The following RPS6KA2 variants were observed in gnomAD, a reference collection of about 807,000 sequenced individuals.
RPS6KA2 encodes ribosomal protein S6 kinase alpha-2.
RPS6KA2 carries 42 observed loss-of-function variants against 91.8 expected under a neutral mutation model. The ratio of observed to expected loss-of-function variants is 0.46; its 90% CI spans 0.36 to 0.59. The LOEUF is 0.59. Among genes scored for constraint, RPS6KA2 ranks in the 20% least tolerant of loss-of-function variants. The probability of loss-of-function intolerance (pLI) is 0.00; values close to 1 mark genes in which losing one functional copy is unlikely to be tolerated. For missense variants in RPS6KA2, 798 were observed against 978.5 expected, an observed-to-expected ratio of 0.82 and a Z score of 2.46; for synonymous variants, 414 against 393.6, an observed-to-expected ratio of 1.05 and a Z score of -0.61.
chr6:166,749,601 C>T (rs1250917535), intron 2 of RPS6KA2, among the ~76,000 whole-genome samples: 1 of 2,378 alleles, frequency 4.2e-4, no homozygotes, highest in South Asian at 6.8e-3. Flanking sequence ...GCCCCCATCT[C>T]CTCGGGCCCC....
chr6:166,781,310 A>G (rs146718976), intron 2 of RPS6KA2, among the ~76,000 whole-genome samples: 164 of 152,386 alleles, frequency 1.1e-3, no homozygotes, highest in Non-Finnish European at 1.9e-3. Flanking sequence ...GGGATTGTTC[A>G]AGATGACTTC....
intron 2 of RPS6KA2, among the ~76,000 whole-genome samples, chr6:166,718,195 C>T (rs564118668): frequency 5.2e-4 from 79 of 152,252 alleles, no homozygotes; most frequent in African/African-American, 1.9e-3. Flanking sequence ...GCACATTTAC[C>T]CTCACTTCCC....
At chr6:166,707,324 C>G (rs1789710963) in intron 2 of RPS6KA2, among the ~76,000 whole-genome samples, 1 of 152,218 alleles carries the variant, frequency 6.6e-6, no homozygotes, top group African/African-American at 2.4e-5. Flanking sequence ...GGTTAGGGAG[C>G]TCCAACCATG....
intron 1 of RPS6KA2, among the ~76,000 whole-genome samples, chr6:166,615,862 G>T (rs1347642731): frequency 6.6e-6 from 1 of 152,132 alleles, no homozygotes; most frequent in Non-Finnish European, 1.5e-5. Context: ...CAGGACTCCC[G>T]CCCACTCTTT....
At chr6:166,723,466 A>C (rs953673542) in intron 2 of RPS6KA2, among the ~76,000 whole-genome samples, 1 of 151,718 alleles carries the variant, frequency 6.6e-6, no homozygotes, top group African/African-American at 2.4e-5. Context: ...ACATGTATGC[A>C]CCGCCTTCCT....
intron 1 of RPS6KA2, among the ~76,000 whole-genome samples, chr6:166,565,002 C>T (rs767263065): frequency 6.6e-5 from 10 of 152,266 alleles, no homozygotes; most frequent in Non-Finnish European, 1.0e-4. Context: ...GAGGTGTTCA[C>T]GTGGTTCCCC....
In RPS6KA2 at chr6:166,693,034, G is replaced by T. The variant is rs77845910; in HGVS notation, c.124-154250C>A. Among the ~76,000 whole-genome samples, 267 of 152,312 alleles carry T rather than the reference G, an allele frequency of 1.8e-3. 1 individual carries two copies. Among genetic ancestry groups the T allele is most frequent in the African/African-American group, 5.8e-3 (240 of 41,570 alleles). On this transcript the variant is annotated intron_variant, in intron 2 of 21. Transcript: ENST00000503859. ...GGCAAGAGGCAGTTGATTGCAGCAA[G>T]GATATGACAATGTCACTTTTAGTAA...
intron 1 of RPS6KA2, among the ~76,000 whole-genome samples, chr6:166,564,995 G>T (rs1211509065): frequency 6.6e-6 from 1 of 152,188 alleles, no homozygotes; most frequent in Non-Finnish European, 1.5e-5. Flanking sequence ...CCCTTATGAG[G>T]TGTTCACGTG....
chr6:166,653,835 T>G (rs1014363743), intron 2 of RPS6KA2, among the ~76,000 whole-genome samples: 9 of 152,254 alleles, frequency 5.9e-5, no homozygotes, highest in Non-Finnish European at 1.2e-4. Context: ...GAATAATTTG[T>G]TGCACAAAAT....
At chr6:166,789,377 G>A (rs1473909207) in intron 2 of RPS6KA2, among the ~76,000 whole-genome samples, 2 of 152,238 alleles carry the variant, frequency 1.3e-5, no homozygotes, top group African/African-American at 4.8e-5. Context: ...GAACTGGGTG[G>A]AGTCCACCAC....
rs937769174 is a variant in RPS6KA2 at position 166,454,051 on chromosome 6, C to T, written c.1076-2818G>A. On this transcript the variant is annotated intron_variant, in intron 12 of 20. Coordinates refer to ENST00000265678, the MANE Select transcript of RPS6KA2 (RefSeq NM_021135.6). ...AGTGTGGTGGGATAGAGAATGGAGA[C>T]GTGGAAGGGTGGGAGAAGGTGAGGG... Among the ~76,000 whole-genome samples the T allele has an allele frequency of 7.2e-5, 11 of 152,014 alleles. No homozygotes were observed. The South Asian group carries it at 1.0e-3, about 14-fold the overall frequency.
chr6:166,639,833 G>T lies in RPS6KA2; in HGVS notation c.124-101049C>A, dbSNP rs972329909. 8.6e-5 allele frequency among the ~76,000 whole-genome samples: 13 copies of T among 151,848 alleles called. No individual in the cohort carries two copies. The highest frequency in any genetic ancestry group is 1.8e-4 in the Non-Finnish European group (12 of 67,940). On this transcript the variant is annotated intron_variant, in intron 2 of 21. Coordinates refer to the RPS6KA2 transcript ENST00000503859. This position sits in a 1 kb window ranked among gnomAD's most constrained non-coding sequence, Gnocchi z 4.2. ...ACAGGCCCTGTTGGGGTCTCTCCTG[G>T]GTTCCTCTAGTTTGCTCACTGTGCT...
chr6:166,680,504 C>A (rs1290817926), intron 2 of RPS6KA2, among the ~76,000 whole-genome samples: 1 of 152,134 alleles, frequency 6.6e-6, no homozygotes, highest in African/African-American at 2.4e-5. Flanking sequence ...CTTGCTGGTG[C>A]CCACTTTTTG....
intron 2 of RPS6KA2, among the ~76,000 whole-genome samples, chr6:166,698,184 C>G (rs1789408748): frequency 6.6e-6 from 1 of 152,182 alleles, no homozygotes; most frequent in African/African-American, 2.4e-5. Flanking sequence ...AGGACTGCGA[C>G]ACAAAATAGA....
At chr6:166,517,642 A>AT (rs1403039167) in intron 3 of RPS6KA2, among the ~76,000 whole-genome samples, 1 of 150,504 alleles carries the variant, frequency 6.6e-6, no homozygotes, top group African/African-American at 2.4e-5. Flanking sequence ...CGCCCGGCTA[A>AT]TTTTTTGTAT....
chr6:166,732,841 C>A lies in RPS6KA2; in HGVS notation c.123+125359G>T, dbSNP rs1790568922. ...GGAGGCTGAGTCTGGTGGAAGGAGG[C>A]AGGGAACAGCCAAAGTGAAGGCTGC... On this transcript the variant is annotated intron_variant, in intron 2 of 21. Transcript: ENST00000503859. This position sits in a 1 kb window ranked among gnomAD's most constrained non-coding sequence, Gnocchi z 4.0. Among the ~76,000 whole-genome samples, 1 of 152,186 alleles carries A rather than the reference C, an allele frequency of 6.6e-6. No individual in the cohort carries two copies. The highest frequency in any genetic ancestry group is 1.5e-5 in the Non-Finnish European group (1 of 68,034).
rs550212155 is a variant in RPS6KA2 at position 166,433,488 on chromosome 6, C to T, written c.1333-998G>A. Among the ~76,000 whole-genome samples the T allele has an allele frequency of 2.6e-5, 4 of 152,188 alleles. No individual in the cohort carries two copies. Among genetic ancestry groups the T allele is most frequent in the South Asian group, 2.1e-4 (1 of 4,816 alleles). The stretch of plus-strand genomic sequence containing the variant: ...GCCCTTGCCGCCCCTGCTGTGGGGA[C>T]GGGACCAGTGGGAGGAGGGCACCAC... On this transcript the variant is annotated intron_variant, in intron 14 of 20. Transcript: ENST00000265678. This position sits in a 1 kb window ranked among gnomAD's most constrained non-coding sequence, Gnocchi z 4.4.
Position 166,670,739 on chromosome 6 carries a change from G to C in RPS6KA2, c.124-131955C>G, listed in dbSNP as rs7776364. On this transcript the variant is annotated intron_variant, in intron 2 of 21. Coordinates refer to the RPS6KA2 transcript ENST00000503859. ...CATATTTGAAACGCAACAATTGATAGTTCCTACAGATGATGGGAGTTTCTC... is the reference window on the plus strand; with the variant it reads ...CATATTTGAAACGCAACAATTGATACTTCCTACAGATGATGGGAGTTTCTC... 3.4e-3 allele frequency among the ~76,000 whole-genome samples: 513 copies of C among 152,302 alleles called. 3 individuals carry two copies. Among genetic ancestry groups the C allele is most frequent in the African/African-American group, 0.012 (490 of 41,546 alleles).
At chr6:166,803,878 G>A (rs953984597) in intron 2 of RPS6KA2, among the ~76,000 whole-genome samples, 1 of 152,172 alleles carries the variant, frequency 6.6e-6, no homozygotes, top group African/African-American at 2.4e-5. Flanking sequence ...AGCAAAACTG[G>A]CTGAAAATTG....
Sources: gnomAD v4.1 joint callset for allele counts (sites outside exome capture counted in the v4.1 genomes callset) on GRCh38, gnomAD v4.1.1 for gene constraint, Gnocchi (gnomAD v3.1) non-coding constraint, MANE v1.5 for transcripts, NCBI Gene and HGNC (gene_info 2026-07-23, HGNC 2026-07-21) for gene names.